DTNA: variants seen among roughly 807,000 people sequenced by gnomAD.
DTNA encodes dystrobrevin alpha.
A neutral mutation model predicts 100.7 loss-of-function variants in DTNA; 43 were observed. That is an observed-to-expected ratio of 0.43 (90% CI 0.33 to 0.55). The LOEUF (loss-of-function observed/expected upper bound fraction) is 0.55. Among genes scored for constraint, DTNA ranks in the 20% least tolerant of loss-of-function variants. The probability of loss-of-function intolerance (pLI) is 0.04; values close to 1 mark genes in which losing one functional copy is unlikely to be tolerated. For synonymous variants in DTNA, 349 were observed against 347.9 expected, an observed-to-expected ratio of 1.00 and a Z score of -0.04; for missense variants, 798 against 953.9, an observed-to-expected ratio of 0.84 and a Z score of 2.15.
At chr18:34,530,749 C>G (rs995110922) in intron 1 of DTNA, among the ~76,000 whole-genome samples, 1 of 152,102 alleles carries the variant, frequency 6.6e-6, no homozygotes, top group Non-Finnish European at 1.5e-5. Flanking sequence ...TGAAGTCACA[C>G]TAAATAGTAG....
At chr18:34,883,765 G>A (rs2096896112) in intron 21 of DTNA, among the ~76,000 whole-genome samples, 1 of 152,130 alleles carries the variant, frequency 6.6e-6, no homozygotes, top group Non-Finnish European at 1.5e-5. Flanking sequence ...GGAAACGGAA[G>A]CCCACCAATT....
chr18:34,522,561 T>A (rs2042243151), intron 1 of DTNA, among the ~76,000 whole-genome samples: 1 of 152,214 alleles, frequency 6.6e-6, no homozygotes, highest in Non-Finnish European at 1.5e-5. Flanking sequence ...CTGAGCCATT[T>A]CCTACAGGAA....
chr18:34,506,770 C>A (rs900491397), intron 1 of DTNA, among the ~76,000 whole-genome samples: 1 of 152,066 alleles, frequency 6.6e-6, no homozygotes, highest in Non-Finnish European at 1.5e-5. Context: ...TCTGAGGTCC[C>A]CTAGCTGATT....
At chr18:34,566,030 A>T (rs914224062) in intron 1 of DTNA, among the ~76,000 whole-genome samples, 1 of 152,206 alleles carries the variant, frequency 6.6e-6, no homozygotes, top group East Asian at 1.9e-4. Flanking sequence ...ATATTAATGA[A>T]ATACACTCAA....
intron 1 of DTNA, among the ~76,000 whole-genome samples, chr18:34,646,683 C>G (rs1309826149): frequency 6.6e-6 from 1 of 152,098 alleles, no homozygotes; most frequent in Non-Finnish European, 1.5e-5. Context: ...TCTGAAGCTA[C>G]TAGTTTTATT....
At chr18:34,544,758 TTA>T (rs1254245515) in intron 1 of DTNA, among the ~76,000 whole-genome samples, 1 of 151,724 alleles carries the variant, frequency 6.6e-6, no homozygotes, top group African/African-American at 2.4e-5. Context: ...GCTATGGTAA[TTA>T]CTCAAGGTCA....
chr18:34,547,715 T>C (rs2730115), intron 1 of DTNA, among the ~76,000 whole-genome samples: 29,466 of 152,106 alleles, frequency 0.19, 3,322 homozygotes, highest in African/African-American at 0.3. Flanking sequence ...TGTATAGATA[T>C]ACAAGGACAA....
At chr18:34,686,562 G>T (rs927518718) in intron 1 of DTNA, among the ~76,000 whole-genome samples, 1 of 152,094 alleles carries the variant, frequency 6.6e-6, no homozygotes, top group African/African-American at 2.4e-5. Context: ...GAAGATTTTT[G>T]CATCAATGTT....
chr18:34,883,874 T>G (rs2096897146), intron 21 of DTNA, among the ~76,000 whole-genome samples: 1 of 152,210 alleles, frequency 6.6e-6, no homozygotes, highest in South Asian at 2.1e-4. Flanking sequence ...AAAATGTTGG[T>G]CTAGCCATAC....
intron 1 of DTNA, among the ~76,000 whole-genome samples, chr18:34,534,074 T>C (rs1284170508): frequency 2.6e-5 from 4 of 152,214 alleles, no homozygotes; most frequent in African/African-American, 9.6e-5. Flanking sequence ...TGGCTGGGCA[T>C]GGTGGCTCAC....
chr18:34,794,812 AT>A (rs2094900944), intron 4 of DTNA, among the ~76,000 whole-genome samples: 1 of 152,154 alleles, frequency 6.6e-6, no homozygotes, highest in South Asian at 2.1e-4. Flanking sequence ...TTTTTGTATA[AT>A]TTTCCCTTTT....
intron 5 of DTNA, among the ~76,000 whole-genome samples, chr18:34,810,021 A>G (rs888808874): frequency 2.6e-5 from 4 of 152,132 alleles, no homozygotes; most frequent in Admixed American, 2.6e-4. Context: ...TGGCCCAATT[A>G]TAAGCTGTTT....
intron 1 of DTNA, among the ~76,000 whole-genome samples, chr18:34,535,848 T>A (rs1012485874): frequency 1.3e-5 from 2 of 152,054 alleles, no homozygotes; most frequent in Non-Finnish European, 2.9e-5. Context: ...ATACCAGAAT[T>A]CAGTATTTTA....
At chr18:34,817,853 A>G in intron 7 of DTNA, 1 of 942,514 alleles carries the variant, frequency 1.1e-6, no homozygotes, top group South Asian at 1.7e-5. Context: ...GGTAAAGGCA[A>G]GTCTGTTTGG....
chr18:34,718,151 C>A (rs574398688), intron 1 of DTNA, among the ~76,000 whole-genome samples: 1 of 152,136 alleles, frequency 6.6e-6, no homozygotes, highest in African/African-American at 2.4e-5. Context: ...GCGTATCTTA[C>A]AATATGCAAG....
At chr18:34,582,727 G>C (rs958012079) in intron 1 of DTNA, among the ~76,000 whole-genome samples, 1 of 152,150 alleles carries the variant, frequency 6.6e-6, no homozygotes, top group Non-Finnish European at 1.5e-5. Context: ...AGTGTAAAAG[G>C]TAGCTTCAAT....
chr18:34,784,900 T>C (rs2094456274), intron 3 of DTNA, among the ~76,000 whole-genome samples: 1 of 152,154 alleles, frequency 6.6e-6, no homozygotes, highest in Non-Finnish European at 1.5e-5. Context: ...GCATGTATGA[T>C]TGATGCATGG....
chr18:34,772,478 G>C (rs2093826247), intron 3 of DTNA, among the ~76,000 whole-genome samples: 1 of 152,114 alleles, frequency 6.6e-6, no homozygotes, highest in Admixed American at 6.5e-5. Context: ...AGTCGGTCCT[G>C]AATCAATATT....
At chr18:34,560,190 G>C (rs774993297) in intron 1 of DTNA, among the ~76,000 whole-genome samples, 1 of 152,156 alleles carries the variant, frequency 6.6e-6, no homozygotes, top group Non-Finnish European at 1.5e-5. Context: ...CACCTCAGCT[G>C]TGTTGATTTT....
Sources: allele counts gnomAD v4.1 joint callset (sites outside exome capture counted in the v4.1 genomes callset), GRCh38; gene constraint gnomAD v4.1.1; transcripts MANE v1.5; gene names NCBI Gene and HGNC (gene_info 2026-07-23, HGNC 2026-07-21).